MEGF11: variants seen among roughly 807,000 people sequenced by gnomAD.
MEGF11 encodes the protein multiple EGF like domains 11, also known as multiple epidermal growth factor-like domains protein 11.
MEGF11 carries 126 observed loss-of-function variants against 146.6 expected under a neutral mutation model. That is an observed-to-expected ratio of 0.86 (90% CI 0.74 to 1.00). The LOEUF (loss-of-function observed/expected upper bound fraction) is 1.00, where lower values mean the gene tolerates loss of function less well. Ranked by LOEUF, MEGF11 falls within the 50% of genes least tolerant of loss-of-function variation. MEGF11 has a pLI of 0.00. For missense variants in MEGF11, 1,509 were observed against 1,521.2 expected, an observed-to-expected ratio of 0.99 and a Z score of 0.13; for synonymous variants, 532 against 583.4, an observed-to-expected ratio of 0.91 and a Z score of 1.27.
At chr15:66,003,066 T>G (rs1306708718) in intron 5 of MEGF11, among the ~76,000 whole-genome samples, 1 of 151,986 alleles carries the variant, frequency 6.6e-6, no homozygotes, top group East Asian at 1.9e-4. Flanking sequence ...CAGTCTCAAT[T>G]CACTGCAATC....
At chr15:66,168,737 G>A (rs1429215930) in intron 1 of MEGF11, among the ~76,000 whole-genome samples, 1 of 152,230 alleles carries the variant, frequency 6.6e-6, no homozygotes, top group African/African-American at 2.4e-5. Flanking sequence ...CACTTTGGGA[G>A]GCCCAGGTGG....
chr15:65,970,049 C>T (rs140229256), intron 8 of MEGF11, among the ~76,000 whole-genome samples: 1 of 152,200 alleles, frequency 6.6e-6, no homozygotes, highest in Non-Finnish European at 1.5e-5. Flanking sequence ...TTTGATTATC[C>T]ACTCTGCAAG....
At chr15:65,916,013 T>C in intron 18 of MEGF11, 135 bp downstream of exon 18, 1 of 1,154,610 alleles carries the variant, frequency 8.7e-7, no homozygotes, top group Non-Finnish European at 1.2e-6. Flanking sequence ...GCATTTTTCC[T>C]TGGAAGTTGT....
At chr15:66,186,369 G>A (rs1168483915) in intron 1 of MEGF11, among the ~76,000 whole-genome samples, 1 of 152,100 alleles carries the variant, frequency 6.6e-6, no homozygotes, top group African/African-American at 2.4e-5. Flanking sequence ...GCCCTCTCTG[G>A]GGTGCCAGGA....
chr15:66,218,781 C>T (rs567952958), intron 1 of MEGF11, among the ~76,000 whole-genome samples: 4 of 151,904 alleles, frequency 2.6e-5, no homozygotes, highest in Non-Finnish European at 4.4e-5. Context: ...CATGAAAACC[C>T]GGATGTTAGC....
Position 65,922,330 on chromosome 15 carries a change from G to GA in MEGF11, c.1957+7dup. The stretch of plus-strand genomic sequence containing the variant: ...CCCCACCCAGTACCTTCCCACTGGA[G>GA]ACAGTACCTTGGTTGCAGAGAGCTC... On this transcript the variant is annotated splice_region_variant and intron_variant, in intron 15 of 25. Coordinates refer to ENST00000395614, the MANE Select transcript of MEGF11 (RefSeq NM_001385028.1). The GA allele has an allele frequency of 6.2e-7, 1 of 1,607,150 alleles. No individual in the cohort carries two copies. Among genetic ancestry groups the GA allele is most frequent in the Non-Finnish European group, 8.5e-7 (1 of 1,177,014 alleles).
chr15:66,147,159 T>C (rs1262482295), intron 1 of MEGF11, among the ~76,000 whole-genome samples: 3 of 152,060 alleles, frequency 2.0e-5, no homozygotes, highest in Non-Finnish European at 4.4e-5. Flanking sequence ...AGTCTAACTG[T>C]TGTTGTCCCT....
Position 65,982,095 on chromosome 15 carries a change from G to A in MEGF11, c.641+147C>T. On this transcript the variant is annotated intron_variant, in intron 6 of 25. Coordinates refer to ENST00000395614, the MANE Select transcript of MEGF11 (RefSeq NM_001385028.1). This position sits in a 1 kb window ranked among gnomAD's most constrained non-coding sequence, Gnocchi z 5.6. Reference sequence around the variant, plus strand: ...CCACCACCCAGCCCACCCACAAGGAGCCCAGGGCTGGGCGTGCAGCTGCGG... The same window carrying A: ...CCACCACCCAGCCCACCCACAAGGAACCCAGGGCTGGGCGTGCAGCTGCGG... The A allele has an allele frequency of 9.0e-7, 1 of 1,109,104 alleles. No homozygotes were observed. The allele number at this position is 1,109,104 out of a possible 1,614,324, so 68.7% of individuals were successfully genotyped here.
chr15:66,094,130 G>A (rs1225375953), intron 5 of MEGF11, among the ~76,000 whole-genome samples: 1 of 152,062 alleles, frequency 6.6e-6, no homozygotes, highest in Non-Finnish European at 1.5e-5. Context: ...ATCTAGAGGT[G>A]TTCCATCAAA....
intron 5 of MEGF11, among the ~76,000 whole-genome samples, chr15:66,082,425 TAAAAAAAAAAAAAAAAAAAAAAAA>T (rs796328490): frequency 7.0e-4 from 11 of 15,692 alleles, no homozygotes; most frequent in African/African-American, 1.8e-3. Flanking sequence ...CCATCTCTAC[TAAAAAAAAAAAAAAAAAAAAAAAA>T]AAAAAAAAAA....
intron 15 of MEGF11, 30 bp downstream of exon 15, chr15:65,922,308 C>G: frequency 6.2e-7 from 1 of 1,601,530 alleles, no homozygotes; most frequent in Non-Finnish European, 8.5e-7. Flanking sequence ...CTCACCTCCC[C>G]ACCCAGTACC....
intron 1 of MEGF11, among the ~76,000 whole-genome samples, chr15:66,186,176 T>C (rs971758967): frequency 6.6e-6 from 1 of 152,118 alleles, no homozygotes; most frequent in African/African-American, 2.4e-5. Flanking sequence ...TAGATGTCAC[T>C]GGAAAAGAGG....
At chr15:66,003,690 G>A (rs764563740) in intron 5 of MEGF11, among the ~76,000 whole-genome samples, 4 of 152,134 alleles carry the variant, frequency 2.6e-5, no homozygotes, top group African/African-American at 9.7e-5. Flanking sequence ...GCCCTGCCAA[G>A]AGCCTCTCCA....
chr15:65,946,861 C>G (rs1419601240), intron 10 of MEGF11, among the ~76,000 whole-genome samples: 1 of 152,098 alleles, frequency 6.6e-6, no homozygotes, highest in African/African-American at 2.4e-5. Flanking sequence ...CTGCTCTGCT[C>G]CCACTCTTTT....
At chr15:66,085,990 C>T (rs898696399) in intron 5 of MEGF11, among the ~76,000 whole-genome samples, 2 of 152,130 alleles carry the variant, frequency 1.3e-5, no homozygotes, top group South Asian at 2.1e-4. Flanking sequence ...ATTCAGGAAA[C>T]TTTGAGCACA....
chr15:66,038,196 C>T (rs1166966332), intron 5 of MEGF11, among the ~76,000 whole-genome samples: 2 of 152,114 alleles, frequency 1.3e-5, no homozygotes, highest in African/African-American at 2.4e-5. Flanking sequence ...GAGGTGCATA[C>T]CTGGCTTCTC....
intron 1 of MEGF11, among the ~76,000 whole-genome samples, chr15:66,185,397 G>T (rs78472136): frequency 0.17 from 26,026 of 151,876 alleles, 2,454 homozygotes; most frequent in Admixed American, 0.26. Context: ...CTTTTGTGGG[G>T]TTTTTTTTCT....
intron 1 of MEGF11, among the ~76,000 whole-genome samples, chr15:66,186,481 A>G (rs8031786): frequency 0.019 from 2,864 of 152,304 alleles, 91 homozygotes; most frequent in African/African-American, 0.065. Context: ...AGCTCACCCA[A>G]GACAGTTTCC....
intron 5 of MEGF11, among the ~76,000 whole-genome samples, chr15:66,004,632 C>T (rs1465710326): frequency 6.6e-6 from 1 of 152,008 alleles, no homozygotes; most frequent in Non-Finnish European, 1.5e-5. Flanking sequence ...TCTCTAAGTG[C>T]AAACTATGGA....
Sources: allele counts gnomAD v4.1 joint callset (sites outside exome capture counted in the v4.1 genomes callset), GRCh38; gene constraint gnomAD v4.1.1; non-coding constraint Gnocchi (gnomAD v3.1); transcripts MANE v1.5; gene names NCBI Gene and HGNC (gene_info 2026-07-23, HGNC 2026-07-21).